Variants in ABCA10 observed in about 807,000 individuals in gnomAD.
ABCA10 encodes ATP-binding cassette sub-family A member 10.
In ABCA10, 169 loss-of-function variants were observed where a neutral mutation model predicts 187.5. The ratio of observed to expected loss-of-function variants is 0.90; its 90% CI spans 0.80 to 1.02. The LOEUF is 1.02. Ranked by LOEUF, ABCA10 falls within the 50% of genes least tolerant of loss-of-function variation. ABCA10 has a pLI of 0.00. For synonymous variants in ABCA10, 574 were observed against 601.8 expected, an observed-to-expected ratio of 0.95 and a Z score of 0.68; for missense variants, 1,727 against 1,812.4, an observed-to-expected ratio of 0.95 and a Z score of 0.86.
intron 14 of ABCA10, 23 bp downstream of exon 14, chr17:69,193,470 T>G: frequency 1.3e-6 from 2 of 1,598,814 alleles, no homozygotes; most frequent in Non-Finnish European, 1.7e-6. Context: ...AAATTAATTG[T>G]AAAAATATAT....
chr17:69,152,056 C>G lies in ABCA10; in HGVS notation c.4384G>C (p.Ala1462Pro), dbSNP rs543737896. The G allele has an allele frequency of 4.0e-5, 65 of 1,609,422 alleles. 1 individual carries two copies. The South Asian group carries it at 7.0e-4, about 17-fold the overall frequency. The change falls in exon 36 of 39, where the codon GCT (alanine) becomes CCT (proline). Residue 1462 changes from alanine to proline, a missense_variant. Transcript: ENST00000690296. ...AACATCCTTTACCTTTCCTGCCAAG[C>G]AGCCTGTGGGAAAAGCTTCAAAATC... ...TEILKLFPQA[A>P]WQERYSSLMA...
chr17:69,218,151 A>T (rs2074720254), intron 6 of ABCA10, among the ~76,000 whole-genome samples: 1 of 152,168 alleles, frequency 6.6e-6, no homozygotes, highest in Non-Finnish European at 1.5e-5. Context: ...AGTTAAAAAT[A>T]GCAAAAAAAG....
intron 27 of ABCA10, among the ~76,000 whole-genome samples, chr17:69,157,303 A>G (rs867436296): frequency 5.3e-5 from 8 of 152,320 alleles, no homozygotes; most frequent in Middle Eastern, 3.4e-3. Context: ...TTCCGTTTTC[A>G]TGCCATGTCC....
At chr17:69,206,279 G>T (rs368589773) in intron 9 of ABCA10, among the ~76,000 whole-genome samples, 4 of 152,176 alleles carry the variant, frequency 2.6e-5, no homozygotes, top group African/African-American at 9.7e-5. Flanking sequence ...CCCCCGACAT[G>T]ATCAGAGGTA....
intron 9 of ABCA10, among the ~76,000 whole-genome samples, chr17:69,203,681 G>C (rs1278833955): frequency 6.6e-6 from 1 of 152,154 alleles, no homozygotes; most frequent in Non-Finnish European, 1.5e-5. Context: ...AATCTCACCA[G>C]TGAAAGAGCC....
At chr17:69,234,906 A>G (rs1598132719) in intron 1 of ABCA10, 1 of 152,218 alleles carries the variant, frequency 6.6e-6, no homozygotes, top group Non-Finnish European at 1.5e-5. Context: ...TTCCAAATAA[A>G]ATGCCACTTG....
rs2074786190 is a variant in ABCA10 at position 69,225,423 on chromosome 17, T to C, written c.-65A>G. 1.9e-6 allele frequency: 3 copies of C among 1,561,778 alleles called. No homozygotes were observed. The highest frequency in any genetic ancestry group is 1.8e-6 in the Non-Finnish European group (2 of 1,135,870). On this transcript the variant is annotated 5_prime_UTR_variant, in exon 3 of 39. Transcript: ENST00000690296. The stretch of plus-strand genomic sequence containing the variant: ...TACCAGGCCAGAGTCATTAAACTGA[T>C]CCACGCTTCCCAGGACTTTAGGAGG...
At chr17:69,238,543 A>C (rs1354637450) in intron 1 of ABCA10, among the ~76,000 whole-genome samples, 1 of 152,196 alleles carries the variant, frequency 6.6e-6, no homozygotes, top group Non-Finnish European at 1.5e-5. Context: ...TATTATCTAG[A>C]ACTCAAATGC....
At chr17:69,189,038 C>T (rs2074441640) in intron 18 of ABCA10, among the ~76,000 whole-genome samples, 1 of 152,036 alleles carries the variant, frequency 6.6e-6, no homozygotes, top group Non-Finnish European at 1.5e-5. Flanking sequence ...ATACCTTTGG[C>T]TATATACTCA....
At chr17:69,204,212 C>T (rs1166082018) in intron 9 of ABCA10, among the ~76,000 whole-genome samples, 3 of 152,214 alleles carry the variant, frequency 2.0e-5, no homozygotes, top group South Asian at 2.1e-4. Context: ...ACATCACAGA[C>T]TCCTACTATG....
chr17:69,241,031 T>A (rs563156090), intron 1 of ABCA10, among the ~76,000 whole-genome samples: 148 of 152,306 alleles, frequency 9.7e-4, no homozygotes, highest in Middle Eastern at 3.4e-3. Context: ...ACTGGACATC[T>A]CCACTTGGAT....
chr17:69,221,858 G>A lies in ABCA10; in HGVS notation c.237C>T (p.Tyr79=), dbSNP rs140328156. ...ACCCTTTTAGCCAGTACTTTGCCAAGTAACAAAAAATTTCACCATGCATGG... is the reference window on the plus strand; with the variant it reads ...ACCCTTTTAGCCAGTACTTTGCCAAATAACAAAAAATTTCACCATGCATGG... ...CWAMHGEIFC[Y]LAKYWLKGFV... The change falls in exon 5 of 39, where the codon TAC becomes TAT. Residue 79 remains tyrosine (Y), a synonymous_variant. Coordinates refer to ENST00000690296, the MANE Select transcript of ABCA10 (RefSeq NM_001377321.1). 1.2e-6 allele frequency: 2 copies of A among 1,612,758 alleles called. No individual in the cohort carries two copies. Among genetic ancestry groups the A allele is most frequent in the Non-Finnish European group, 8.5e-7 (1 of 1,179,406 alleles).
At position 69,185,551 on chromosome 17, in the gene ABCA10, G is replaced by A; in HGVS notation, c.2423C>T (p.Pro808Leu). 1 of 1,613,108 alleles carries A rather than the reference G, an allele frequency of 6.2e-7. No individual in the cohort carries two copies. Among genetic ancestry groups the A allele is most frequent in the Non-Finnish European group, 8.5e-7 (1 of 1,179,430 alleles). Residue 808 changes from proline (P) to leucine (L), a missense_variant, in exon 20 of 39, where the codon CCC (proline) becomes CTC (leucine). Coordinates refer to ENST00000690296, the MANE Select transcript of ABCA10 (RefSeq NM_001377321.1). ...TRETHCWEFS[P>L]SMYFLSLEQI... ...TTCCAGAGAAAGGAAATACATACTG[G>A]GTGAAAACTCCCAACAATGAGTTTC...
At chr17:69,223,666 C>T (rs547133324) in intron 3 of ABCA10, 43 of 449,616 alleles carry the variant, frequency 9.6e-5, no homozygotes, top group East Asian at 8.0e-4. Flanking sequence ...TAGAGTCAGG[C>T]GGTGAAACTT....
chr17:69,231,556 T>C (rs2074832095), upstream of ABCA10, among the ~76,000 whole-genome samples: 1 of 152,164 alleles, frequency 6.6e-6, no homozygotes, highest in African/African-American at 2.4e-5. Flanking sequence ...TTGTTTAATG[T>C]CCGTGTATTT....
intron 10 of ABCA10, among the ~76,000 whole-genome samples, chr17:69,199,677 C>A (rs760449136): frequency 1.3e-5 from 2 of 152,216 alleles, no homozygotes; most frequent in Non-Finnish European, 2.9e-5. Flanking sequence ...AACCGCTCTT[C>A]ATACCATACA....
intron 4 of ABCA10, among the ~76,000 whole-genome samples, 161 bp from the exon 5 acceptor site, chr17:69,222,056 A>G (rs11659119): frequency 0.54 from 81,679 of 151,996 alleles, 23,781 homozygotes; most frequent in Non-Finnish European, 0.66. Context: ...AGAATTGGAG[A>G]AAAAAAGAAC....
intron 5 of ABCA10, among the ~76,000 whole-genome samples, chr17:69,221,004 A>C (rs1326552199): frequency 6.6e-6 from 1 of 152,204 alleles, no homozygotes; most frequent in Non-Finnish European, 1.5e-5. Flanking sequence ...TATAAATTAT[A>C]ATGAGAAGTA....
intron 10 of ABCA10, among the ~76,000 whole-genome samples, chr17:69,198,053 G>T (rs1001176536): frequency 1.3e-5 from 2 of 151,954 alleles, no homozygotes; most frequent in African/African-American, 2.4e-5. Context: ...ATCTACCCAG[G>T]AACTCAAGCT....
Sources: gnomAD v4.1 joint callset for allele counts (sites outside exome capture counted in the v4.1 genomes callset) on GRCh38, gnomAD v4.1.1 for gene constraint, MANE v1.5 for transcripts, NCBI Gene and HGNC (gene_info 2026-07-23, HGNC 2026-07-21) for gene names.